Variants in ANKRD36 observed in about 807,000 individuals in gnomAD.
ANKRD36 encodes the protein ankyrin repeat domain 36, also known as ankyrin repeat domain-containing protein 36A.
A neutral mutation model predicts 278.1 loss-of-function variants in ANKRD36; 179 were observed. That is an observed-to-expected ratio of 0.64 (90% CI 0.57 to 0.73). The LOEUF (loss-of-function observed/expected upper bound fraction) is 0.73. Ranked by LOEUF, ANKRD36 falls within the 30% of genes least tolerant of loss-of-function variation. ANKRD36 has a pLI of 0.00. For missense variants in ANKRD36, 1,159 were observed against 1,956.7 expected (o/e 0.59, Z 7.69); for synonymous variants, 320 against 641.1 (o/e 0.50, Z 7.57).
Position 97,198,357 on chromosome 2 carries a change from A to G in ANKRD36, c.2654-106A>G, listed in dbSNP as rs867029673. 8.2e-5 allele frequency: 127 copies of G among 1,540,204 alleles called. 3 individuals are homozygous for G. In the African/African-American group the frequency reaches 1.3e-3, roughly 16 times the overall value. On this transcript the variant is annotated intron_variant, in intron 42 of 75. Coordinates refer to ENST00000420699, the MANE Select transcript of ANKRD36 (RefSeq NM_001354587.1). Reference sequence around the variant, plus strand: ...CAAAGTAGAAGCCATCAAAGCGTACACTAATACAGGCAGGAGGACAGAGGT... The same window carrying G: ...CAAAGTAGAAGCCATCAAAGCGTACGCTAATACAGGCAGGAGGACAGAGGT...
At chr2:97,222,248 A>T (rs1438445878) in intron 66 of ANKRD36, among the ~76,000 whole-genome samples, 1 of 151,856 alleles carries the variant, frequency 6.6e-6, no homozygotes, top group Non-Finnish European at 1.5e-5. Context: ...CTTAGGATTG[A>T]CTTGGCGATG....
intron 46 of ANKRD36, 121 bp from the exon 47 acceptor site, chr2:97,202,081 G>A (rs2061528622): frequency 6.5e-7 from 1 of 1,550,254 alleles, no homozygotes; most frequent in Admixed American, 2.0e-5. Context: ...CAAAGTAGAA[G>A]CCATGAAGGC....
At chr2:97,205,600 C>A (rs1346340992) in intron 50 of ANKRD36, among the ~76,000 whole-genome samples, 3 of 151,532 alleles carry the variant, frequency 2.0e-5, no homozygotes, top group Non-Finnish European at 3.0e-5. Flanking sequence ...CCTGCTTTGA[C>A]ATTGATTCTC....
In ANKRD36 at chr2:97,217,499, A is replaced by G. The variant is rs1211023539; in HGVS notation, c.3775+127A>G. The G allele has an allele frequency of 6.0e-6, 8 of 1,334,102 alleles. 1 individual carries two copies. Among genetic ancestry groups the G allele is most frequent in the East Asian group, 5.2e-5 (2 of 38,330 alleles). The allele number at this position is 1,334,102 out of a possible 1,614,324, so 82.6% of individuals were successfully genotyped here. On this transcript the variant is annotated intron_variant, in intron 64 of 75. Coordinates refer to ENST00000420699, the MANE Select transcript of ANKRD36 (RefSeq NM_001354587.1). Reference sequence around the variant, plus strand: ...TGATTCAGCAGGCCTGAGATTGTGCATTTCTACTGAGTTGTCAGGTGTTGT... The same window carrying G: ...TGATTCAGCAGGCCTGAGATTGTGCGTTTCTACTGAGTTGTCAGGTGTTGT...
intron 67 of ANKRD36, among the ~76,000 whole-genome samples, chr2:97,233,196 G>A (rs1316104267): frequency 6.7e-6 from 1 of 148,904 alleles, no homozygotes; most frequent in Non-Finnish European, 1.5e-5. Context: ...ATGTCTAGAA[G>A]TGGAATTAAG....
At chr2:97,160,818 A>G (rs2048678133) in intron 17 of ANKRD36, among the ~76,000 whole-genome samples, 2 of 152,044 alleles carry the variant, frequency 1.3e-5, no homozygotes, top group Admixed American at 6.6e-5. Flanking sequence ...AACTTTTAAG[A>G]TGATTTTTTA....
At chr2:97,194,240 C>T (rs2059173896) in intron 38 of ANKRD36, among the ~76,000 whole-genome samples, 1 of 151,540 alleles carries the variant, frequency 6.6e-6, no homozygotes, top group East Asian at 2.0e-4. Context: ...GTGAAGTGTA[C>T]GTTCAACTGG....
intron 46 of ANKRD36, among the ~76,000 whole-genome samples, chr2:97,201,068 G>A (rs1285233620): frequency 6.6e-6 from 1 of 151,902 alleles, no homozygotes; most frequent in Non-Finnish European, 1.5e-5. Flanking sequence ...ACTCACTTCA[G>A]ATGCATTTGG....
chr2:97,209,940 A>C, intron 56 of ANKRD36, 68 bp downstream of exon 56: 1 of 1,520,482 alleles, frequency 6.6e-7, no homozygotes, highest in Non-Finnish European at 8.8e-7. Context: ...TCCCTGAATA[A>C]ATCAGCGGAG....
intron 67 of ANKRD36, among the ~76,000 whole-genome samples, chr2:97,227,949 C>T (rs943700462): frequency 8.5e-5 from 13 of 152,198 alleles, no homozygotes; most frequent in South Asian, 2.1e-4. Context: ...TATTTATTTG[C>T]GTATATTGAA....
chr2:97,214,275 C>T (rs2065381824), intron 60 of ANKRD36, among the ~76,000 whole-genome samples: 1 of 14,342 alleles, frequency 7.0e-5, no homozygotes, highest in Admixed American at 4.2e-4. Flanking sequence ...AATTACTCTT[C>T]TTTGTTACTG....
intron 7 of ANKRD36, 35 bp downstream of exon 7, chr2:97,142,703 A>C (rs2043216621): frequency 6.2e-7 from 1 of 1,609,894 alleles, no homozygotes; most frequent in African/African-American, 1.3e-5. Context: ...TGAACTATTA[A>C]CTATATAGTC....
Position 97,243,861 on chromosome 2 carries a change from A to G in ANKRD36, c.4323A>G (p.Gln1441=), listed in dbSNP as rs2075011855. 1.2e-6 allele frequency: 2 copies of G among 1,602,878 alleles called. No individual in the cohort carries two copies. The highest frequency in any genetic ancestry group is 1.7e-6 in the Non-Finnish European group (2 of 1,177,030). The change falls in exon 70 of 76, where the codon CAA becomes CAG. Residue 1441 remains glutamine, a synonymous_variant. Transcript: ENST00000420699. The stretch of plus-strand genomic sequence containing the variant: ...ATATTTACAGATTTGCCATACAGCA[A>G]GAAAAAAAGAAAAGAAGAAATGTTG... ...ELCSLRFAIQ[Q]EKKKRRNVEE... is the part of the protein sequence containing the mutation.
chr2:97,191,490 G>A (rs1480854713), intron 36 of ANKRD36, among the ~76,000 whole-genome samples: 2 of 151,650 alleles, frequency 1.3e-5, no homozygotes, highest in Non-Finnish European at 1.5e-5. Flanking sequence ...CAGTAAGGGT[G>A]GAAGGAGAAA....
chr2:97,180,616 G>A lies in ANKRD36; in HGVS notation c.1735+683G>A, dbSNP rs62153953. Among the ~76,000 whole-genome samples, 5 of 151,656 alleles carry A rather than the reference G, an allele frequency of 3.3e-5. No individual in the cohort carries two copies. The East Asian group carries it at 9.7e-4, about 30-fold the overall frequency. On this transcript the variant is annotated intron_variant, in intron 24 of 75. Transcript: ENST00000420699. ...CCTCTTTGCTACTATTAGGCATCAG[G>A]GACACATGTTTTGTTGACTTTACTT...
chr2:97,152,192 C>A (rs368140394), intron 13 of ANKRD36, among the ~76,000 whole-genome samples: 3,110 of 85,602 alleles, frequency 0.036, 7 homozygotes, highest in South Asian at 0.058. Context: ...GGAGTTTCAC[C>A]ATGTTGTCCA....
intron 75 of ANKRD36, among the ~76,000 whole-genome samples, chr2:97,262,552 G>A (rs751622629): frequency 7.8e-6 from 1 of 128,756 alleles, no homozygotes; most frequent in Non-Finnish European, 1.5e-5. Flanking sequence ...TAATCAAATT[G>A]TCCAAAGTTA....
intron 67 of ANKRD36, among the ~76,000 whole-genome samples, chr2:97,232,234 C>T (rs2072408909): frequency 6.6e-6 from 1 of 150,876 alleles, no homozygotes; most frequent in Non-Finnish European, 1.5e-5. Flanking sequence ...ACAGAAAAGA[C>T]ATCTAAGAAA....
chr2:97,200,770 T>C lies in ANKRD36; in HGVS notation c.2857+245T>C, dbSNP rs556947239. Among the ~76,000 whole-genome samples the C allele has an allele frequency of 5.9e-5, 9 of 152,010 alleles. No individual in the cohort carries two copies. The South Asian group carries it at 8.3e-4, about 14-fold the overall frequency. On this transcript the variant is annotated intron_variant, in intron 46 of 75. Coordinates refer to ENST00000420699, the MANE Select transcript of ANKRD36 (RefSeq NM_001354587.1). ...GAAACATGGAGAGCAGTTGAAGACA[T>C]AAGGGGCTCTGGGGCCCAGCATAAT...
Sources: allele counts gnomAD v4.1 joint callset (sites outside exome capture counted in the v4.1 genomes callset), GRCh38; gene constraint gnomAD v4.1.1; transcripts MANE v1.5; gene names NCBI Gene and HGNC (gene_info 2026-07-23, HGNC 2026-07-21).